The following PRKCH variants were observed in gnomAD, a reference collection of about 807,000 sequenced individuals.
PRKCH encodes the protein protein kinase C eta.
PRKCH carries 28 observed loss-of-function variants against 82.5 expected under a neutral mutation model. That is an observed-to-expected ratio of 0.34 (90% confidence interval 0.25 to 0.47). The LOEUF (loss-of-function observed/expected upper bound fraction) is 0.47, where lower values mean the gene tolerates loss of function less well. Ranked by LOEUF, PRKCH falls within the 20% of genes least tolerant of loss-of-function variation. The pLI is 1.00. For missense variants in PRKCH, 705 were observed against 881.8 expected (o/e 0.80, Z 2.54); for synonymous variants, 322 against 327.4 (o/e 0.98, Z 0.18).
chr14:61,469,046 C>T (rs1053975244), intron 9 of PRKCH, among the ~76,000 whole-genome samples: 1 of 152,208 alleles, frequency 6.6e-6, no homozygotes, highest in Non-Finnish European at 1.5e-5. Flanking sequence ...AGTGAAAAAT[C>T]AGTCAATCCA....
intron 10 of PRKCH, among the ~76,000 whole-genome samples, chr14:61,486,298 T>C (rs1476037964): frequency 7.1e-6 from 1 of 140,952 alleles, no homozygotes; most frequent in Non-Finnish European, 1.6e-5. Context: ...TTACAAGAAT[T>C]ACAGTCATGT....
At chr14:61,528,182 A>ACACACACACAC (rs1566929556) in intron 10 of PRKCH, 29 of 151,186 alleles carry the variant, frequency 1.9e-4, no homozygotes, top group Non-Finnish European at 2.3e-4. Context: ...ACACACACAC[A>ACACACACACAC]AAGTATTTCT....
intron 2 of PRKCH, among the ~76,000 whole-genome samples, chr14:61,412,831 A>G (rs551775106): frequency 3.3e-5 from 5 of 151,966 alleles, no homozygotes; most frequent in East Asian, 1.9e-4. Context: ...TGCCATCTTT[A>G]TGTGCCTGCT....
chr14:61,518,441 AAAAAAAG>A (rs1279913743), intron 10 of PRKCH, among the ~76,000 whole-genome samples: 1 of 151,966 alleles, frequency 6.6e-6, no homozygotes, highest in East Asian at 1.9e-4. Flanking sequence ...AATGCAAAAA[AAAAAAAG>A]AAAAAGAAAA....
chr14:61,241,390 C>T (rs1256207724), intron 1 of PRKCH, among the ~76,000 whole-genome samples: 1 of 152,152 alleles, frequency 6.6e-6, no homozygotes, highest in East Asian at 1.9e-4. Flanking sequence ...CATTGGTAAT[C>T]AACTTAACCT....
At chr14:61,548,197 T>C (rs181167907) in intron 13 of PRKCH, among the ~76,000 whole-genome samples, 33 of 152,378 alleles carry the variant, frequency 2.2e-4, no homozygotes, top group Non-Finnish European at 4.4e-5. Flanking sequence ...CAAAAGAGTT[T>C]GGCTAATTGA....
intron 12 of PRKCH, among the ~76,000 whole-genome samples, chr14:61,542,706 C>T (rs184818315): frequency 1.3e-5 from 2 of 152,186 alleles, no homozygotes; most frequent in Non-Finnish European, 2.9e-5. Flanking sequence ...AGCTTTCTAT[C>T]TGTGCCCCTG....
intron 1 of PRKCH, among the ~76,000 whole-genome samples, chr14:61,324,530 G>GT (rs1263042701): frequency 1.3e-5 from 2 of 151,968 alleles, no homozygotes; most frequent in Non-Finnish European, 2.9e-5. Context: ...GCAGAGTGTT[G>GT]TTTCTTTTCT....
intron 10 of PRKCH, among the ~76,000 whole-genome samples, chr14:61,522,215 C>T (rs1430753144): frequency 6.6e-6 from 1 of 152,158 alleles, no homozygotes; most frequent in Non-Finnish European, 1.5e-5. Context: ...CTTTACCTTA[C>T]CACCCTCCCT....
chr14:61,374,753 G>A (rs7148421), intron 1 of PRKCH, among the ~76,000 whole-genome samples: 54,565 of 151,664 alleles, frequency 0.36, 13,474 homozygotes, highest in African/African-American at 0.7. Context: ...TTGGCCCCCA[G>A]AACAATTTTT....
intron 2 of PRKCH, among the ~76,000 whole-genome samples, chr14:61,439,064 G>A (rs1241509979): frequency 6.6e-6 from 1 of 152,122 alleles, no homozygotes; most frequent in Admixed American, 6.6e-5. Flanking sequence ...AACAGAAGTT[G>A]TGATGCAAGT....
chr14:61,309,523 C>A (rs1566814552), intron 1 of PRKCH, among the ~76,000 whole-genome samples: 1 of 152,168 alleles, frequency 6.6e-6, no homozygotes, highest in Non-Finnish European at 1.5e-5. Context: ...TCATTTAATT[C>A]TGTGCAATTA....
intron 1 of PRKCH, among the ~76,000 whole-genome samples, chr14:61,276,304 T>C (rs966529017): frequency 6.6e-6 from 1 of 151,714 alleles, no homozygotes; most frequent in African/African-American, 2.4e-5. Context: ...AGAGAAAAAA[T>C]CTGGAACACA....
chr14:61,463,513 A>G (rs1054615179), intron 9 of PRKCH, among the ~76,000 whole-genome samples: 7 of 152,226 alleles, frequency 4.6e-5, no homozygotes, highest in African/African-American at 1.7e-4. Context: ...GCTTACAAGT[A>G]TATAAATGGG....
intron 1 of PRKCH, among the ~76,000 whole-genome samples, chr14:61,260,043 G>A (rs2045032560): frequency 6.6e-6 from 1 of 152,166 alleles, no homozygotes; most frequent in African/African-American, 2.4e-5. Context: ...TCCTGGAAGT[G>A]AACGAATTTG....
At chr14:61,256,399 C>T (rs1182112197) in intron 1 of PRKCH, among the ~76,000 whole-genome samples, 4 of 152,114 alleles carry the variant, frequency 2.6e-5, no homozygotes, top group East Asian at 1.9e-4. Context: ...AGCATAGAAC[C>T]GTCAGTGAAG....
chr14:61,229,681 G>A (rs984897150), intron 1 of PRKCH, among the ~76,000 whole-genome samples: 2 of 152,306 alleles, frequency 1.3e-5, no homozygotes, highest in Admixed American at 6.5e-5. Context: ...TCCAGAGTGA[G>A]AGGCTCTTAT....
chr14:61,369,154 C>T (rs1384628326), intron 1 of PRKCH, among the ~76,000 whole-genome samples: 1 of 152,106 alleles, frequency 6.6e-6, no homozygotes, highest in African/African-American at 2.4e-5. Flanking sequence ...TCAGTGGATG[C>T]TGTGTGAAGA....
chr14:61,274,822 A>G (rs919598573), intron 1 of PRKCH, among the ~76,000 whole-genome samples: 6 of 152,206 alleles, frequency 3.9e-5, no homozygotes, highest in Non-Finnish European at 5.9e-5. Context: ...GAGAGAAGTT[A>G]GGGTTGGAGA....
Sources: allele counts gnomAD v4.1 joint callset (sites outside exome capture counted in the v4.1 genomes callset), GRCh38; gene constraint gnomAD v4.1.1; transcripts MANE v1.5; gene names NCBI Gene and HGNC (gene_info 2026-07-23, HGNC 2026-07-21).